Variants in HECW2 observed in about 807,000 individuals in gnomAD.
HECW2 encodes E3 ubiquitin-protein ligase HECW2.
In HECW2, 61 loss-of-function variants were observed where a neutral mutation model predicts 175.2. The observed-to-expected ratio is 0.35, with a 90% CI of 0.28 to 0.43. The LOEUF is 0.43. HECW2 is among the 20% of genes least tolerant of loss of function. The pLI, the probability that HECW2 is intolerant of heterozygous loss-of-function variation, is 1.00. For missense variants in HECW2, 1,524 were observed against 2,000.5 expected, an observed-to-expected ratio of 0.76 and a Z score of 4.54; for synonymous variants, 671 against 731.0, an observed-to-expected ratio of 0.92 and a Z score of 1.32.
intron 2 of HECW2, among the ~76,000 whole-genome samples, chr2:196,401,689 T>C (rs1694820842): frequency 6.6e-6 from 1 of 152,214 alleles, no homozygotes; most frequent in Non-Finnish European, 1.5e-5. Flanking sequence ...ATTCATCCTG[T>C]ATATCACACA....
intron 1 of HECW2, among the ~76,000 whole-genome samples, chr2:196,473,217 GT>G (rs1331281276): frequency 6.6e-6 from 1 of 152,192 alleles, no homozygotes; most frequent in Non-Finnish European, 1.5e-5. Context: ...ACTGAATAAT[GT>G]TTTGTTTTCT....
rs191435439 is a variant in HECW2, at chr2:196,458,634, G to A, written c.-35-25176C>T. ...TGTAATCCCAGCACTTTGGGAGCCC[G>A]AGGCGGGTGGATCACGAGGTCAAGA... On this transcript the variant is annotated intron_variant, in intron 1 of 28. Coordinates refer to ENST00000644978, the MANE Select transcript of HECW2 (RefSeq NM_001348768.2). Among the ~76,000 whole-genome samples, 7 of 152,304 alleles carry A rather than the reference G, an allele frequency of 4.6e-5. No homozygotes were observed. The South Asian group carries it at 6.2e-4, about 14-fold the overall frequency.
chr2:196,337,567 A>AT (rs1491456120), intron 3 of HECW2, among the ~76,000 whole-genome samples: 3 of 32,810 alleles, frequency 9.1e-5, no homozygotes, highest in East Asian at 2.0e-3. Context: ...TGGGAAAAAA[A>AT]TAAAAAAATA....
chr2:196,282,918 T>C (rs928466702), intron 14 of HECW2, among the ~76,000 whole-genome samples: 4 of 151,588 alleles, frequency 2.6e-5, no homozygotes, highest in African/African-American at 9.7e-5. Flanking sequence ...GGTTGAGGGG[T>C]TTAGAATTTT....
At position 196,275,614 on chromosome 2, in the gene HECW2, C is replaced by T. The variant is rs184583297; in HGVS notation, c.3136-1491G>A. Among the ~76,000 whole-genome samples, 1,422 of 151,980 alleles carry T rather than the reference C, an allele frequency of 9.4e-3. 18 individuals are homozygous for T. Among genetic ancestry groups the T allele is most frequent in the African/African-American group, 0.029 (1,182 of 41,436 alleles). On this transcript the variant is annotated intron_variant, in intron 15 of 28. Coordinates refer to ENST00000644978, the MANE Select transcript of HECW2 (RefSeq NM_001348768.2). ...TAAAAATACAAAAATTAGCCGGGCG[C>T]GGTGGCAGGTGCCTGTAGTCCCAGC...
chr2:196,319,862 G>A lies in HECW2; in HGVS notation c.1028C>T (p.Ser343Phe). 6.2e-7 allele frequency: 1 copy of A among 1,613,336 alleles called. No individual in the cohort carries two copies. Among genetic ancestry groups the A allele is most frequent in the South Asian group, 1.1e-5 (1 of 91,034 alleles). Residue 343 changes from serine (S) to phenylalanine (F), a missense_variant, in exon 9 of 29, where the codon TCT becomes TTT. By Grantham distance (155) the Ser-to-Phe change is radical (BLOSUM62 -2). This residue lies in a region of HECW2 where 604 missense variants were observed against 588.3 expected (regional missense o/e 1.03). Transcript: ENST00000644978. Reference protein sequence around the residue: ...EAVGTILGVNSVNGDLGSPSD... With the variant: ...EAVGTILGVNFVNGDLGSPSD... ...AGGGCTACCTAAGTCTCCATTCACAGAATTGACTCCAAGTATTGTGCCAAC... is the reference window on the plus strand; with the variant it reads ...AGGGCTACCTAAGTCTCCATTCACAAAATTGACTCCAAGTATTGTGCCAAC...
At chr2:196,254,681 A>G (rs1173392996) in intron 18 of HECW2, among the ~76,000 whole-genome samples, 1 of 152,192 alleles carries the variant, frequency 6.6e-6, no homozygotes, top group Non-Finnish European at 1.5e-5. Flanking sequence ...GCTGTACAAG[A>G]CAGTGTCAGT....
chr2:196,518,580 G>A lies in HECW2; in HGVS notation c.-36+74928C>T, dbSNP rs530846252. ...GGAGACAGAAGAATTGCTTGAACCC[G>A]GGAAGCAGAGGTTGCAGCGAGCTGA... On this transcript the variant is annotated intron_variant, in intron 1 of 28. Coordinates refer to ENST00000644978, the MANE Select transcript of HECW2 (RefSeq NM_001348768.2). Among the ~76,000 whole-genome samples the A allele has an allele frequency of 4.0e-5, 6 of 150,288 alleles. No individual in the cohort carries two copies. The East Asian group carries it at 9.8e-4, about 24-fold the overall frequency.
At chr2:196,359,525 G>A (rs1348616199) in intron 2 of HECW2, among the ~76,000 whole-genome samples, 1 of 152,182 alleles carries the variant, frequency 6.6e-6, no homozygotes, top group Admixed American at 6.5e-5. Context: ...TCTTTTAATA[G>A]TAAGTGAAGT....
chr2:196,466,912 C>T (rs751142865), intron 1 of HECW2, among the ~76,000 whole-genome samples: 1 of 152,140 alleles, frequency 6.6e-6, no homozygotes, highest in Non-Finnish European at 1.5e-5. Flanking sequence ...GTTGACTCCT[C>T]GATTTTCTGA....
intron 21 of HECW2, among the ~76,000 whole-genome samples, chr2:196,235,335 C>G (rs368294746): frequency 6.6e-6 from 1 of 151,730 alleles, no homozygotes; most frequent in East Asian, 1.9e-4. Flanking sequence ...CTCCTGACCT[C>G]GTGATCTGCC....
intron 25 of HECW2, 120 bp downstream of exon 25, chr2:196,220,675 G>T: frequency 2.8e-6 from 3 of 1,087,030 alleles, no homozygotes; most frequent in Non-Finnish European, 4.0e-6. Context: ...TGAACTTTTC[G>T]CATGGAAAGA....
chr2:196,300,178 G>A (rs1319835560), intron 13 of HECW2, among the ~76,000 whole-genome samples: 1 of 152,198 alleles, frequency 6.6e-6, no homozygotes, highest in African/African-American at 2.4e-5. Context: ...CTAGACTGGG[G>A]TGGGCAATCT....
At chr2:196,244,792 G>A (rs1688588494) in intron 19 of HECW2, among the ~76,000 whole-genome samples, 1 of 152,196 alleles carries the variant, frequency 6.6e-6, no homozygotes, top group South Asian at 2.1e-4. Flanking sequence ...AACCAAGCTA[G>A]CCTAGAGTGG....
intron 21 of HECW2, among the ~76,000 whole-genome samples, chr2:196,235,057 C>T (rs1224688750): frequency 1.3e-5 from 2 of 151,618 alleles, no homozygotes; most frequent in South Asian, 2.1e-4. Context: ...ATGAACTAAT[C>T]AACTAAAGTA....
At chr2:196,418,063 T>C (rs1400580059) in intron 2 of HECW2, among the ~76,000 whole-genome samples, 2 of 152,198 alleles carry the variant, frequency 1.3e-5, no homozygotes, top group African/African-American at 4.8e-5. Context: ...TCTAATAGTA[T>C]AGCTTAGTGC....
At chr2:196,249,071 CAGCAA>C in intron 19 of HECW2, among the ~76,000 whole-genome samples, 1 of 152,282 alleles carries the variant, frequency 6.6e-6, no homozygotes, top group South Asian at 2.1e-4. Context: ...GAAAGAGTTT[CAGCAA>C]ATAGGGGGTC....
intron 1 of HECW2, among the ~76,000 whole-genome samples, chr2:196,552,343 G>A (rs373322305): frequency 6.6e-6 from 1 of 152,086 alleles, no homozygotes; most frequent in African/African-American, 2.4e-5. Flanking sequence ...TTGGCTGCCT[G>A]GAAATCCTTC....
chr2:196,236,486 C>G (rs1688257806), intron 21 of HECW2, among the ~76,000 whole-genome samples: 1 of 152,156 alleles, frequency 6.6e-6, no homozygotes, highest in South Asian at 2.1e-4. Flanking sequence ...AATATTGATA[C>G]ACTATTATTA....
Sources: gnomAD v4.1 joint callset for allele counts (sites outside exome capture counted in the v4.1 genomes callset) on GRCh38, gnomAD v4.1.1 for gene constraint, gnomAD v4.1.1 regional missense constraint, MANE v1.5 for transcripts, NCBI Gene and HGNC (gene_info 2026-07-23, HGNC 2026-07-21) for gene names.